CNTN5: variants seen among roughly 807,000 people sequenced by gnomAD.
The protein encoded by CNTN5 is contactin 5.
In CNTN5, 77 loss-of-function variants were observed where a neutral mutation model predicts 129.1. The observed-to-expected ratio is 0.60, with a 90% CI of 0.50 to 0.72. CNTN5 has a LOEUF of 0.72. Ranked by LOEUF, CNTN5 falls within the 30% of genes least tolerant of loss-of-function variation. The pLI, the probability that CNTN5 is intolerant of heterozygous loss-of-function variation, is 0.00. For missense variants in CNTN5, 1,478 were observed against 1,328.8 expected (o/e 1.11, Z -1.75); for synonymous variants, 509 against 465.6 (o/e 1.09, Z -1.20).
intron 9 of CNTN5, among the ~76,000 whole-genome samples, chr11:100,050,425 T>C (rs1448685683): frequency 6.7e-6 from 1 of 148,972 alleles, no homozygotes; most frequent in Non-Finnish European, 1.5e-5. Flanking sequence ...AATTGAACAA[T>C]GAGAACACAT....
intron 10 of CNTN5, among the ~76,000 whole-genome samples, chr11:100,066,833 CA>C (rs34290071): frequency 0.016 from 2,059 of 124,904 alleles, 35 homozygotes; most frequent in African/African-American, 0.049. Context: ...AGTCCTCTGC[CA>C]AAAAAAAAAA....
chr11:100,168,794 A>C (rs1428057106), intron 13 of CNTN5, among the ~76,000 whole-genome samples: 1 of 151,974 alleles, frequency 6.6e-6, no homozygotes. Flanking sequence ...AATTCCTCTG[A>C]TGGATCTGGG....
In CNTN5 at chr11:100,308,380, A is replaced by G. The variant is rs1951403192; in HGVS notation, c.2642A>G (p.Asp881Gly). ...AEGEPSAAPT[D>G]VKATSVSVSE... is the part of the protein sequence containing the mutation. ...ACAGAACCCAGTGCTGCTCCCACAG[A>G]TGTCAAGGCGACAAGTGTGTCTGTG... Residue 881 changes from aspartate to glycine, a missense_variant, in exon 21 of 25, where the codon GAT becomes GGT. By Grantham distance (94) the Asp-to-Gly change is moderately conservative. Coordinates refer to ENST00000524871, the MANE Select transcript of CNTN5 (RefSeq NM_014361.4). 1 of 1,610,822 alleles carries G rather than the reference A, an allele frequency of 6.2e-7. No individual in the cohort carries two copies. Among genetic ancestry groups the G allele is most frequent in the African/African-American group, 1.3e-5 (1 of 74,664 alleles).
chr11:100,246,676 C>T (rs1949847055), intron 16 of CNTN5, among the ~76,000 whole-genome samples: 1 of 152,054 alleles, frequency 6.6e-6, no homozygotes. Context: ...GAGAAAGCAG[C>T]ATAATATAAT....
chr11:99,814,120 A>G (rs1330252205), intron 3 of CNTN5, among the ~76,000 whole-genome samples: 6 of 152,214 alleles, frequency 3.9e-5, no homozygotes, highest in Non-Finnish European at 4.4e-5. Flanking sequence ...AGAAGGAATC[A>G]TCTGGAGAGA....
chr11:99,274,454 A>G (rs17133358), intron 1 of CNTN5, among the ~76,000 whole-genome samples: 2,493 of 151,788 alleles, frequency 0.016, 63 homozygotes, highest in African/African-American at 0.056. Context: ...TTTTAAGTAC[A>G]ACAAACCTCA....
chr11:99,670,748 C>T (rs924052963), intron 3 of CNTN5, among the ~76,000 whole-genome samples: 2 of 152,092 alleles, frequency 1.3e-5, no homozygotes, highest in Non-Finnish European at 2.9e-5. Flanking sequence ...GTAAAAAGCA[C>T]GGTCCCTGGA....
At chr11:100,016,152 C>T (rs1022015087) in intron 9 of CNTN5, among the ~76,000 whole-genome samples, 6 of 151,974 alleles carry the variant, frequency 3.9e-5, no homozygotes, top group African/African-American at 1.4e-4. Context: ...AGACAAAAGT[C>T]TATGTTTACC....
intron 8 of CNTN5, among the ~76,000 whole-genome samples, chr11:99,971,127 C>G (rs968434311): frequency 1.3e-5 from 2 of 152,146 alleles, no homozygotes; most frequent in African/African-American, 4.8e-5. Flanking sequence ...CATAATACCA[C>G]CCACACAGCC....
intron 20 of CNTN5, among the ~76,000 whole-genome samples, chr11:100,304,554 T>A (rs1340229190): frequency 2.0e-5 from 3 of 151,016 alleles, no homozygotes; most frequent in African/African-American, 4.9e-5. Flanking sequence ...ATGACGGGGG[T>A]CTAGATGGTT....
At chr11:100,273,534 C>G (rs1222480386) in intron 18 of CNTN5, among the ~76,000 whole-genome samples, 13 of 152,130 alleles carry the variant, frequency 8.5e-5, no homozygotes, top group Admixed American at 8.5e-4. Flanking sequence ...CCTCCCCCAC[C>G]TTGAGTGACC....
At chr11:99,875,047 C>T (rs568630561) in intron 6 of CNTN5, among the ~76,000 whole-genome samples, 1 of 152,266 alleles carries the variant, frequency 6.6e-6, no homozygotes, top group East Asian at 1.9e-4. Flanking sequence ...GTGCTCATTG[C>T]TGTAGCGTTA....
chr11:100,059,944 C>G (rs1262373587), intron 9 of CNTN5, among the ~76,000 whole-genome samples: 1 of 152,062 alleles, frequency 6.6e-6, no homozygotes, highest in African/African-American at 2.4e-5. Context: ...CATGCTGGCT[C>G]ATGCCTGTAA....
At chr11:99,249,353 A>T (rs1041677698) in intron 1 of CNTN5, among the ~76,000 whole-genome samples, 7 of 152,142 alleles carry the variant, frequency 4.6e-5, no homozygotes, top group Admixed American at 2.0e-4. Flanking sequence ...CTATCAGCTT[A>T]AGGAGATTTT....
rs575179116 is a variant in CNTN5 at position 100,230,270 on chromosome 11, A to G, written c.2005+5458A>G. 1.3e-3 allele frequency among the ~76,000 whole-genome samples: 199 copies of G among 152,320 alleles called. 1 individual carries two copies. Among genetic ancestry groups the G allele is most frequent in the Middle Eastern group, 3.4e-3 (1 of 294 alleles). On this transcript the variant is annotated intron_variant, in intron 16 of 24. Transcript: ENST00000524871. ...GAATATTCTGCACTATTGTAGAAATATTAGATCACTATTATTGCTATTATT... is the reference window on the plus strand; with the variant it reads ...GAATATTCTGCACTATTGTAGAAATGTTAGATCACTATTATTGCTATTATT...
At chr11:100,095,067 T>C (rs948445248) in intron 13 of CNTN5, among the ~76,000 whole-genome samples, 1 of 152,148 alleles carries the variant, frequency 6.6e-6, no homozygotes, top group African/African-American at 2.4e-5. Context: ...ATCCATATTG[T>C]AGCACGATTT....
chr11:99,818,168 G>C (rs1409984721), intron 3 of CNTN5, among the ~76,000 whole-genome samples: 1 of 151,982 alleles, frequency 6.6e-6, no homozygotes, highest in African/African-American at 2.4e-5. Flanking sequence ...AATTAATTAT[G>C]AGAAAGCTTA....
intron 1 of CNTN5, among the ~76,000 whole-genome samples, chr11:99,222,525 T>C (rs903096600): frequency 6.6e-6 from 1 of 152,066 alleles, no homozygotes; most frequent in Non-Finnish European, 1.5e-5. Context: ...ATCAACCTTA[T>C]GAACATTTTC....
At chr11:99,853,375 T>C (rs901362411) in intron 6 of CNTN5, among the ~76,000 whole-genome samples, 1 of 151,142 alleles carries the variant, frequency 6.6e-6, no homozygotes, top group African/African-American at 2.4e-5. Context: ...GTATATGTAA[T>C]ATATATACGT....
Sources: gnomAD v4.1 joint callset for allele counts (sites outside exome capture counted in the v4.1 genomes callset) on GRCh38, gnomAD v4.1.1 for gene constraint, MANE v1.5 for transcripts, NCBI Gene and HGNC (gene_info 2026-07-23, HGNC 2026-07-21) for gene names.